Variants in RRM2B observed in about 807,000 individuals in gnomAD.
RRM2B encodes the protein ribonucleotide reductase regulatory TP53 inducible subunit M2B.
RRM2B carries 20 observed loss-of-function variants against 45.9 expected under a neutral mutation model. That is an observed-to-expected ratio of 0.44 (90% confidence interval 0.31 to 0.63). RRM2B has a LOEUF of 0.63. RRM2B is among the 30% of genes least tolerant of loss of function. RRM2B has a pLI of 0.09. For synonymous variants in RRM2B, 124 were observed against 132.3 expected, an observed-to-expected ratio of 0.94 and a Z score of 0.43; for missense variants, 320 against 414.7, an observed-to-expected ratio of 0.77 and a Z score of 1.98.
intron 1 of RRM2B, among the ~76,000 whole-genome samples, chr8:102,236,694 C>CA (rs1173877181): frequency 1.3e-5 from 2 of 152,174 alleles, no homozygotes; most frequent in African/African-American, 4.8e-5. Flanking sequence ...AGAGAAACAA[C>CA]AAAATTATTA....
chr8:102,224,175 C>G (rs374377470), intron 4 of RRM2B, 35 bp from the exon 5 acceptor site: 318 of 1,344,580 alleles, frequency 2.4e-4, no homozygotes, highest in Non-Finnish European at 2.7e-4. Flanking sequence ...CAAAGTTATT[C>G]ACTTGTTTTT....
chr8:102,227,916 CT>C (rs1810960815), intron 2 of RRM2B, among the ~76,000 whole-genome samples: 1 of 152,142 alleles, frequency 6.6e-6, no homozygotes, highest in African/African-American at 2.4e-5. Context: ...AAGGCTCCAC[CT>C]CCAAATACCA....
chr8:102,221,838 T>C (rs1213196581), intron 5 of RRM2B, among the ~76,000 whole-genome samples: 1 of 152,176 alleles, frequency 6.6e-6, no homozygotes, highest in African/African-American at 2.4e-5. Context: ...CTACCCATAC[T>C]AATATTTTCA....
intron 5 of RRM2B, among the ~76,000 whole-genome samples, chr8:102,221,028 A>G (rs185490539): frequency 8.9e-4 from 136 of 152,300 alleles, no homozygotes; most frequent in Admixed American, 1.9e-3. Flanking sequence ...TGTGTAGCTA[A>G]TATTTTTTGA....
At chr8:102,223,963 T>A in intron 5 of RRM2B, 83 bp downstream of exon 5, 2 of 958,636 alleles carry the variant, frequency 2.1e-6, no homozygotes, top group Admixed American at 3.4e-5. Flanking sequence ...GTAACTTTGA[T>A]TCGTACTGGA....
In RRM2B at chr8:102,219,733, T is replaced by C. The variant is rs373341964; in HGVS notation, c.551-786A>G. On this transcript the variant is annotated intron_variant, in intron 5 of 8. Coordinates refer to ENST00000251810, the MANE Select transcript of RRM2B (RefSeq NM_015713.5). ...TGCATATGCCTGAGAAAAGTATTTA[T>C]ATATGTCTAAGGAAAAAGGTTTGGT... 1.1e-4 allele frequency among the ~76,000 whole-genome samples: 17 copies of C among 152,230 alleles called. No individual in the cohort carries two copies. The East Asian group carries it at 2.1e-3, about 19-fold the overall frequency.
Position 102,205,332 on chromosome 8 carries a change from A to ACC in RRM2B, c.*2800_*2801insGG. 6.6e-6 allele frequency: 1 copy of ACC among 152,226 alleles called. No individual in the cohort carries two copies. The highest frequency in any genetic ancestry group is 6.5e-5 in the Admixed American group (1 of 15,288). The allele number at this position is 152,226 out of a possible 1,614,324, so 9.4% of individuals were successfully genotyped here. The stretch of plus-strand genomic sequence containing the variant: ...AAACTGCTACATTTTCTCAATAATC[A>ACC]ATTCATGCACAAATAAAAAATGGCA... On this transcript the variant is annotated 3_prime_UTR_variant, in exon 9 of 9. Transcript: ENST00000251810.
rs1811069546 is a variant in RRM2B at position 102,233,475 on chromosome 8, C to G, written c.49-1171G>C. ...ATGTTCCCAGAGCTTAGTATCGTGT[C>G]AAGCATGTTAGCTAAGTAAATGGGC... On this transcript the variant is annotated intron_variant, in intron 1 of 8. Coordinates refer to ENST00000251810, the MANE Select transcript of RRM2B (RefSeq NM_015713.5). Among the ~76,000 whole-genome samples the G allele has an allele frequency of 3.3e-5, 5 of 152,174 alleles. No individual in the cohort carries two copies. The South Asian group carries it at 1.0e-3, about 31-fold the overall frequency.
chr8:102,227,149 A>T (rs1426163647), intron 2 of RRM2B, among the ~76,000 whole-genome samples: 2 of 151,602 alleles, frequency 1.3e-5, no homozygotes, highest in African/African-American at 4.8e-5. Context: ...CAGGTGGCCA[A>T]CAACCCAGTT....
At chr8:102,224,525 A>G (rs995719196) in intron 4 of RRM2B, among the ~76,000 whole-genome samples, 2 of 151,992 alleles carry the variant, frequency 1.3e-5, no homozygotes, top group African/African-American at 4.8e-5. Flanking sequence ...AATAATTGTA[A>G]CTCTACGGTA....
chr8:102,237,625 C>A (rs555485609), intron 1 of RRM2B, among the ~76,000 whole-genome samples: 1 of 152,256 alleles, frequency 6.6e-6, no homozygotes, highest in South Asian at 2.1e-4. Flanking sequence ...TCTGTCCTTG[C>A]GGGTCTGTAT....
At chr8:102,215,944 CA>C (rs60059243) in intron 6 of RRM2B, among the ~76,000 whole-genome samples, 14,625 of 75,522 alleles carry the variant, frequency 0.19, 467 homozygotes, top group Middle Eastern at 0.25. Context: ...GACCCTGTCT[CA>C]AAAAAAAAAA....
intron 2 of RRM2B, among the ~76,000 whole-genome samples, chr8:102,230,780 T>G (rs1386449697): frequency 6.6e-6 from 1 of 152,258 alleles, no homozygotes; most frequent in Non-Finnish European, 1.5e-5. Flanking sequence ...CATAAAATAA[T>G]AGTTTACATT....
chr8:102,212,887 C>A lies in RRM2B; in HGVS notation c.792G>T (p.Glu264Asp). 6.5e-7 allele frequency: 1 copy of A among 1,541,406 alleles called. No individual in the cohort carries two copies. ...CAACTGGCAAGGCTTCTGTTAAAAA[C>A]TCCTGGGATGAAAACAAAAACAGAA... ...IIVDAVKIEQ[E>D]FLTEALPVGL... The change falls in exon 8 of 9, where the codon GAG (glutamate) becomes GAT (aspartate). Residue 264 changes from glutamate (E) to aspartate (D), a missense_variant and splice_region_variant. Physicochemically the swap from Glu to Asp is conservative, Grantham distance 45 (BLOSUM62 2). Around this residue, in one of 3 missense-constraint regions of RRM2B, gnomAD observed 225 missense variants for 289.4 expected, o/e 0.78. Transcript: ENST00000251810.
At chr8:102,220,221 G>C (rs1376712302) in intron 5 of RRM2B, among the ~76,000 whole-genome samples, 1 of 152,128 alleles carries the variant, frequency 6.6e-6, no homozygotes, top group African/African-American at 2.4e-5. Context: ...CTGGGCGACA[G>C]AGTGAGCCCA....
chr8:102,235,830 A>T lies in RRM2B; in HGVS notation c.48+2997T>A, dbSNP rs61480994. On this transcript the variant is annotated intron_variant, in intron 1 of 8. Coordinates refer to ENST00000251810, the MANE Select transcript of RRM2B (RefSeq NM_015713.5). The stretch of plus-strand genomic sequence containing the variant: ...TGTACTCCAGCCTGGTGACAGAGTG[A>T]GACTCCGTCTCAAAAAAAAAAGAAT... Among the ~76,000 whole-genome samples, 408 of 152,318 alleles carry T rather than the reference A, an allele frequency of 2.7e-3. 1 individual carries two copies. The highest frequency in any genetic ancestry group is 9.0e-3 in the African/African-American group (374 of 41,580).
chr8:102,229,757 G>T (rs893774989), intron 2 of RRM2B, among the ~76,000 whole-genome samples: 2 of 151,968 alleles, frequency 1.3e-5, no homozygotes, highest in East Asian at 3.9e-4. Context: ...GCTAATTTTT[G>T]TATTTTTACT....
intron 7 of RRM2B, among the ~76,000 whole-genome samples, chr8:102,213,792 G>A (rs1810676056): frequency 1.3e-5 from 2 of 151,716 alleles, no homozygotes; most frequent in African/African-American, 4.8e-5. Context: ...AAATTTGACA[G>A]AGATCAATAA....
At chr8:102,236,274 G>A (rs1035333699) in intron 1 of RRM2B, among the ~76,000 whole-genome samples, 1 of 152,098 alleles carries the variant, frequency 6.6e-6, no homozygotes, top group Non-Finnish European at 1.5e-5. Context: ...AGGTGCTGGC[G>A]TTCATAGCAG....
Sources: allele counts gnomAD v4.1 joint callset (sites outside exome capture counted in the v4.1 genomes callset), GRCh38; gene constraint gnomAD v4.1.1; regional missense constraint gnomAD v4.1.1; transcripts MANE v1.5; gene names NCBI Gene and HGNC (gene_info 2026-07-23, HGNC 2026-07-21).